CEP250: variants seen among roughly 807,000 people sequenced by gnomAD.
CEP250 encodes centrosomal protein 250.
Under a neutral mutation model 315.7 loss-of-function variants are expected in CEP250, and 242 were observed. The ratio of observed to expected loss-of-function variants is 0.77; its 90% CI spans 0.69 to 0.85. The LOEUF (loss-of-function observed/expected upper bound fraction) is 0.85. Ranked by LOEUF, CEP250 falls within the 40% of genes least tolerant of loss-of-function variation. CEP250 has a pLI of 0.00. For synonymous variants in CEP250, 1,088 were observed against 1,175.0 expected (o/e 0.93, Z 1.51); for missense variants, 2,515 against 2,886.4 (o/e 0.87, Z 2.95).
Position 35,503,502 on chromosome 20 carries a change from G to A in CEP250, c.5133G>A (p.Glu1711=). The A allele has an allele frequency of 6.2e-7, 1 of 1,614,140 alleles. No individual in the cohort carries two copies. Among genetic ancestry groups the A allele is most frequent in the Non-Finnish European group, 8.5e-7 (1 of 1,180,038 alleles). The change falls in exon 30 of 35, where the codon GAG becomes GAA. Residue 1711 remains glutamate, a synonymous_variant. Transcript: ENST00000397527. This position sits in a 1 kb window ranked among gnomAD's most constrained non-coding sequence, Gnocchi z 4.2. ...GGCAGCTGATGCAGGAACGGGCAGA[G>A]GAAGGGAAGGGCCCAAGTAAAGCAC... The part of the protein sequence containing the change: ...TQRQLMQERA[E]EGKGPSKAQR...
chr20:35,466,686 G>A (rs1010446825), intron 7 of CEP250, among the ~76,000 whole-genome samples: 2 of 152,124 alleles, frequency 1.3e-5, no homozygotes, highest in Non-Finnish European at 2.9e-5. Flanking sequence ...CCTTAGAAAA[G>A]TCTGTGGTAA....
chr20:35,509,177 C>T, intron 33 of CEP250, 133 bp downstream of exon 33: 1 of 705,282 alleles, frequency 1.4e-6, no homozygotes, highest in Non-Finnish European at 2.4e-6. Flanking sequence ...CTGCATTCTG[C>T]CCTGCTCGGC....
At chr20:35,505,168 G>T (rs1389786953) in intron 30 of CEP250, among the ~76,000 whole-genome samples, 163 bp downstream of exon 30, 1 of 152,200 alleles carries the variant, frequency 6.6e-6, no homozygotes, top group Non-Finnish European at 1.5e-5. Flanking sequence ...TGCTAGTCGG[G>T]AGATACAGAG....
Position 35,496,703 on chromosome 20 carries a change from G to T in CEP250, c.3294G>T (p.Glu1098Asp), listed in dbSNP as rs751315750. The change falls in exon 25 of 35, where the codon GAG (glutamate) becomes GAT (aspartate). Residue 1098 changes from glutamate to aspartate, a missense_variant. Glu to Asp is a conservative substitution (Grantham distance 45, BLOSUM62 2). Coordinates refer to ENST00000397527, the MANE Select transcript of CEP250 (RefSeq NM_007186.6). ...DMQEAQGEQK[E>D]LSAQMELLRQ... ...AGGAGGCCCAGGGAGAACAGAAAGA[G>T]CTCAGTGCTCAGGTACTTCCCACTC... is the stretch of plus-strand genomic sequence containing the variant. 4 of 1,613,568 alleles carry T rather than the reference G, an allele frequency of 2.5e-6. No individual in the cohort carries two copies. In the East Asian group the frequency reaches 6.7e-5, roughly 27 times the overall value.
At chr20:35,501,801 G>T in intron 28 of CEP250, 44 bp from the exon 29 acceptor site, 1 of 1,537,258 alleles carries the variant, frequency 6.5e-7, no homozygotes, top group South Asian at 1.2e-5. Flanking sequence ...CCAAACATGG[G>T]TCTTACTCCA....
chr20:35,479,281 G>A lies in CEP250; in HGVS notation c.2145G>A (p.Gln715=), dbSNP rs1332904594. The A allele has an allele frequency of 1.2e-6, 2 of 1,614,208 alleles. No individual in the cohort carries two copies. Among genetic ancestry groups the A allele is most frequent in the Non-Finnish European group, 8.5e-7 (1 of 1,180,032 alleles). The change falls in exon 18 of 35, where the codon CAG becomes CAA. Residue 715 remains glutamine (Q), a synonymous_variant. Transcript: ENST00000397527. ...CGACTCAGCTGGAGCAGCTACATCAGGAGGCAAAGCGACAGGAAGAAGTGC... is the reference window on the plus strand; with the variant it reads ...CGACTCAGCTGGAGCAGCTACATCAAGAGGCAAAGCGACAGGAAGAAGTGC... ...AATTQLEQLH[Q]EAKRQEEVLA...
chr20:35,470,955 G>A (rs1404459592), intron 10 of CEP250, among the ~76,000 whole-genome samples: 2 of 152,104 alleles, frequency 1.3e-5, no homozygotes, highest in African/African-American at 2.4e-5. Context: ...CTCTAAGGTT[G>A]GATGTTAGAA....
chr20:35,482,103 A>T lies in CEP250; in HGVS notation c.2586+1958A>T, dbSNP rs1009971471. On this transcript the variant is annotated intron_variant, in intron 20 of 34. Transcript: ENST00000397527. ...TAGATAGATAGATAGATAGATAGAT[A>T]GATTCACTAAGTAAAACATTCAGAT... Among the ~76,000 whole-genome samples, 26 of 144,838 alleles carry T rather than the reference A, an allele frequency of 1.8e-4. No individual in the cohort carries two copies. The South Asian group carries it at 2.2e-3, about 12-fold the overall frequency.
At position 35,472,830 on chromosome 20, in the gene CEP250, A is replaced by G. The variant is rs370567062; in HGVS notation, c.1208A>G (p.Gln403Arg). ...CTGACTCGGAGACGCCAGGCTGTGC[A>G]GGTAGGAACCCTCAGCATTCCACCT... ...SVLTRRRQAVQDLRQQLAGCQ... is the reference protein window; with the variant it reads ...SVLTRRRQAVRDLRQQLAGCQ... The change falls in exon 12 of 35, where the codon CAG becomes CGG. Residue 403 changes from glutamine to arginine, a missense_variant and splice_region_variant. Physicochemically the swap from Gln to Arg is conservative, Grantham distance 43. Coordinates refer to ENST00000397527, the MANE Select transcript of CEP250 (RefSeq NM_007186.6). 1.9e-6 allele frequency: 3 copies of G among 1,613,948 alleles called. No individual in the cohort carries two copies. The highest frequency in any genetic ancestry group is 2.5e-6 in the Non-Finnish European group (3 of 1,180,004).
chr20:35,500,623 G>A (rs2063976359), intron 28 of CEP250, among the ~76,000 whole-genome samples: 3 of 152,196 alleles, frequency 2.0e-5, no homozygotes, highest in Admixed American at 2.0e-4. Flanking sequence ...CAGCAGCAGG[G>A]AGTGCTTGAA....
At chr20:35,498,553 C>T (rs2063911739) in intron 26 of CEP250, 42 bp from the exon 27 acceptor site, 1 of 1,600,614 alleles carries the variant, frequency 6.2e-7, no homozygotes, top group East Asian at 2.3e-5. Flanking sequence ...TGTTTCTTTT[C>T]ATAGTGGCAG....
rs549348389 is a variant in CEP250, at chr20:35,498,716, G to T, written c.3777G>T (p.Arg1259=). Residue 1259 remains arginine (R), a splice_region_variant and synonymous_variant, in exon 27 of 35, where the codon CGG becomes CGT. Coordinates refer to ENST00000397527, the MANE Select transcript of CEP250 (RefSeq NM_007186.6). The part of the protein sequence containing the change: ...HQDLWKTQQT[R]DVLRDQVQKL... Reference sequence around the variant, plus strand: ...ACCTGTGGAAGACTCAACAGACCCGGGTATGTTTCTCTGCTCCCCTTTCCC... The same window carrying T: ...ACCTGTGGAAGACTCAACAGACCCGTGTATGTTTCTCTGCTCCCCTTTCCC... The T allele has an allele frequency of 7.7e-6, 12 of 1,567,470 alleles. No homozygotes were observed. In the African/African-American group the frequency reaches 1.5e-4, roughly 20 times the overall value.
rs756878315 is a variant in CEP250, at chr20:35,509,012, A to G, written c.6976A>G (p.Ser2326Gly). The G allele has an allele frequency of 1.9e-6, 3 of 1,558,516 alleles. No homozygotes were observed. The highest frequency in any genetic ancestry group is 2.6e-6 in the Non-Finnish European group (3 of 1,150,326). Residue 2326 changes from serine to glycine, a missense_variant, in exon 33 of 35, where the codon AGC becomes GGC. Coordinates refer to ENST00000397527, the MANE Select transcript of CEP250 (RefSeq NM_007186.6). ...RAAQAGSLEI[S>G]KATASSPTQQ... ...GGCCCAGGCAGGGTCCCTAGAGATC[A>G]GCAAGGCCACGGCTTCTTCACCCAC...
At chr20:35,510,137 C>T in intron 34 of CEP250, 83 bp downstream of exon 34, 5 of 1,329,654 alleles carry the variant, frequency 3.8e-6, no homozygotes, top group Admixed American at 1.7e-5. Context: ...AGGGGAAGTT[C>T]CTCCCTTCAG....
Position 35,504,370 on chromosome 20 carries a change from C to T in CEP250, c.6001C>T (p.Leu2001=), listed in dbSNP as rs763304617. The change falls in exon 30 of 35, where the codon CTG becomes TTG. Residue 2001 remains leucine, a synonymous_variant. Transcript: ENST00000397527. ...SRSLEASTAT[L]QASLDACQAH... ...CAGTCTGGAGGCCAGCACTGCAACC[C>T]TGCAAGCCTCCCTGGATGCCTGCCA... 11 of 1,599,174 alleles carry T rather than the reference C, an allele frequency of 6.9e-6. No homozygotes were observed. Among genetic ancestry groups the T allele is most frequent in the Non-Finnish European group, 9.4e-6 (11 of 1,172,992 alleles).
Position 35,501,868 on chromosome 20 carries a change from C to A in CEP250, c.3922C>A (p.Gln1308Lys). ...QEEKSKWEGK[Q>K]NSLESELMEL... ...AGAGAAATCTAAGTGGGAAGGAAAG[C>A]AGAACTCCCTAGAATCTGAGCTGAT... is the stretch of plus-strand genomic sequence containing the variant. The change falls in exon 29 of 35, where the codon CAG becomes AAG. Residue 1308 changes from glutamine (Q) to lysine (K), a missense_variant. Physicochemically the swap from Gln to Lys is moderately conservative, Grantham distance 53. Transcript: ENST00000397527. The A allele has an allele frequency of 6.2e-7, 1 of 1,612,202 alleles. No homozygotes were observed. The highest frequency in any genetic ancestry group is 8.5e-7 in the Non-Finnish European group (1 of 1,179,416).
At chr20:35,458,711 G>A (rs2146637090) in intron 2 of CEP250, among the ~76,000 whole-genome samples, 1 of 152,212 alleles carries the variant, frequency 6.6e-6, no homozygotes, top group African/African-American at 2.4e-5. Context: ...TGTGTCTTGA[G>A]GAAGCTCAGA....
intron 24 of CEP250, among the ~76,000 whole-genome samples, chr20:35,495,059 C>T (rs190435161): frequency 3.3e-5 from 5 of 152,284 alleles, no homozygotes; most frequent in African/African-American, 7.2e-5. Context: ...CAGGAAGTTG[C>T]ATTTAAACTG....
chr20:35,505,676 C>T (rs979172502), intron 30 of CEP250, among the ~76,000 whole-genome samples: 14 of 142,994 alleles, frequency 9.8e-5, no homozygotes, highest in African/African-American at 3.0e-4. Flanking sequence ...AAAAAATAGA[C>T]GTGAAGGGAC....
Sources: gnomAD v4.1 joint callset for allele counts (sites outside exome capture counted in the v4.1 genomes callset) on GRCh38, gnomAD v4.1.1 for gene constraint, Gnocchi (gnomAD v3.1) non-coding constraint, MANE v1.5 for transcripts, NCBI Gene and HGNC (gene_info 2026-07-23, HGNC 2026-07-21) for gene names.